STUM: variants seen among roughly 807,000 people sequenced by gnomAD.
STUM encodes stum, mechanosensory transduction mediator homolog.
Under a neutral mutation model 15.3 loss-of-function variants are expected in STUM, and 8 were observed. That is an observed-to-expected ratio of 0.52 (90% CI 0.31 to 0.94). The LOEUF is 0.94. Ranked by LOEUF, STUM falls within the 40% of genes least tolerant of loss-of-function variation. STUM has a pLI of 0.05. For synonymous variants in STUM, 78 were observed against 88.7 expected, an observed-to-expected ratio of 0.88 and a Z score of 0.68; for missense variants, 142 against 204.9, an observed-to-expected ratio of 0.69 and a Z score of 1.87.
chr1:226,596,828 C>T lies in STUM; in HGVS notation c.229C>T (p.Leu77=). The change falls in exon 2 of 4, where the codon CTG becomes TTG. Residue 77 remains leucine (L), a synonymous_variant. Transcript: ENST00000366788. ...LGTFVSAFTV[L]CGARTDLPDR... ...GACATTCGTCTCGGCCTTCACTGTGCTGTGCGGGGCCCGCACCGACCTCCC... is the reference window on the plus strand; with the variant it reads ...GACATTCGTCTCGGCCTTCACTGTGTTGTGCGGGGCCCGCACCGACCTCCC... The T allele has an allele frequency of 2.5e-6, 4 of 1,614,092 alleles. No individual in the cohort carries two copies. Among genetic ancestry groups the T allele is most frequent in the Non-Finnish European group, 3.4e-6 (4 of 1,179,930 alleles).
intron 1 of STUM, among the ~76,000 whole-genome samples, chr1:226,575,973 A>G (rs1223868301): frequency 6.6e-6 from 1 of 152,216 alleles, no homozygotes; most frequent in African/African-American, 2.4e-5. Context: ...TTAGACTGCT[A>G]GAAAGAGAAC....
chr1:226,551,915 G>A (rs556022292), intron 1 of STUM, among the ~76,000 whole-genome samples: 2 of 152,136 alleles, frequency 1.3e-5, no homozygotes, highest in Admixed American at 1.3e-4. Flanking sequence ...TCTATCACGT[G>A]TCCTCAGCAC....
chr1:226,585,799 C>T (rs1024037096), intron 1 of STUM, among the ~76,000 whole-genome samples: 11 of 152,092 alleles, frequency 7.2e-5, no homozygotes, highest in African/African-American at 2.4e-4. Context: ...GAAATGAATT[C>T]GGTATGATTT....
intron 1 of STUM, among the ~76,000 whole-genome samples, chr1:226,570,816 T>A (rs1667696478): frequency 6.6e-6 from 1 of 152,238 alleles, no homozygotes; most frequent in Non-Finnish European, 1.5e-5. Context: ...AGCGTTCTGA[T>A]GAAGCCTTGG....
At position 226,552,592 on chromosome 1, in the gene STUM, G is replaced by A. The variant is rs1460305172; in HGVS notation, c.202+3486G>A. 6.6e-6 allele frequency among the ~76,000 whole-genome samples: 1 copy of A among 152,144 alleles called. No individual in the cohort carries two copies. Among genetic ancestry groups the A allele is most frequent in the Non-Finnish European group, 1.5e-5 (1 of 68,036 alleles). The stretch of plus-strand genomic sequence containing the variant: ...TGATATCTCAGTGACACGGAAAGTC[G>A]AAGGGAGGAGGACCTCCATTGACCT... On this transcript the variant is annotated intron_variant, in intron 1 of 3. Transcript: ENST00000366788. The surrounding 1 kb of genome is among the most constrained non-coding windows in gnomAD (Gnocchi z 4.7).
chr1:226,568,460 C>T (rs1296030187), intron 1 of STUM, among the ~76,000 whole-genome samples: 5 of 152,220 alleles, frequency 3.3e-5, no homozygotes, highest in Non-Finnish European at 7.3e-5. Flanking sequence ...TGTGGTTCAT[C>T]GCCCCATCCA....
At chr1:226,598,351 T>G (rs938649705) in intron 2 of STUM, among the ~76,000 whole-genome samples, 17 of 152,144 alleles carry the variant, frequency 1.1e-4, no homozygotes, top group African/African-American at 4.1e-4. Flanking sequence ...GATGAGCCCC[T>G]CTTACTGGCT....
At chr1:226,570,556 C>T (rs945397689) in intron 1 of STUM, among the ~76,000 whole-genome samples, 1 of 152,180 alleles carries the variant, frequency 6.6e-6, no homozygotes, top group African/African-American at 2.4e-5. Flanking sequence ...AAGTTTCCAC[C>T]CCACAGGGGC....
In STUM at chr1:226,549,841, C is replaced by T. The variant is rs1301683025; in HGVS notation, c.202+735C>T. Among the ~76,000 whole-genome samples, 1 of 152,234 alleles carries T rather than the reference C, an allele frequency of 6.6e-6. No individual in the cohort carries two copies. The highest frequency in any genetic ancestry group is 1.5e-5 in the Non-Finnish European group (1 of 68,026). ...GATGTAATTCTGTGCAGGACTCCGG[C>T]AGCCGGCAGGGGTTCTGGTGGCATC... On this transcript the variant is annotated intron_variant, in intron 1 of 3. Transcript: ENST00000366788. The surrounding 1 kb of genome is among the most constrained non-coding windows in gnomAD (Gnocchi z 6.8).
chr1:226,562,362 G>A (rs1279223836), intron 1 of STUM, among the ~76,000 whole-genome samples: 5 of 151,832 alleles, frequency 3.3e-5, no homozygotes, highest in South Asian at 2.1e-4. Flanking sequence ...TCAGTTACTC[G>A]GGAGGCTGAT....
intron 1 of STUM, among the ~76,000 whole-genome samples, chr1:226,562,095 G>A (rs1667550584): frequency 6.6e-6 from 1 of 152,126 alleles, no homozygotes; most frequent in African/African-American, 2.4e-5. Flanking sequence ...TTCTAAAATT[G>A]ATTGTGGTGA....
In STUM at chr1:226,548,826, C is replaced by A; in HGVS notation, c.-79C>A. 2 of 1,149,794 alleles carry A rather than the reference C, an allele frequency of 1.7e-6. No individual in the cohort carries two copies. Among genetic ancestry groups the A allele is most frequent in the Non-Finnish European group, 2.2e-6 (2 of 912,900 alleles). 71.2% of individuals were successfully genotyped at this position (1,149,794 alleles called of 1,614,324 possible). ...AGCTCGGCGCGGAGCCCGGAGCCCG[C>A]AGCCGACAGTCTCCTGCTCCCGTAC... On this transcript the variant is annotated 5_prime_UTR_variant, in exon 1 of 4. Transcript: ENST00000366788.
At chr1:226,601,657 C>A (rs1344730958) in intron 3 of STUM, among the ~76,000 whole-genome samples, 1 of 152,144 alleles carries the variant, frequency 6.6e-6, no homozygotes, top group Non-Finnish European at 1.5e-5. Context: ...GGGAAGCCTG[C>A]CTGGCACCTG....
At chr1:226,594,684 C>T (rs1382494367) in intron 1 of STUM, among the ~76,000 whole-genome samples, 2 of 152,064 alleles carry the variant, frequency 1.3e-5, no homozygotes, top group Admixed American at 1.3e-4. Context: ...GATGGAGTTT[C>T]ACTCTTGTTG....
chr1:226,574,438 T>A (rs1667770002), intron 1 of STUM, among the ~76,000 whole-genome samples: 1 of 152,228 alleles, frequency 6.6e-6, no homozygotes, highest in African/African-American at 2.4e-5. Context: ...AGGGCTGTTT[T>A]TCCCTAATTG....
At chr1:226,578,904 G>A (rs368050456) in intron 1 of STUM, among the ~76,000 whole-genome samples, 5 of 152,308 alleles carry the variant, frequency 3.3e-5, no homozygotes, top group African/African-American at 9.6e-5. Flanking sequence ...TCACACTGAA[G>A]TATTAGAGAC....
chr1:226,548,802 G>T lies in STUM; in HGVS notation c.-103G>T. Reference sequence around the variant, plus strand: ...CGCACGGAGCACGGCGGCCGCCTGAGCTCGGCGCGGAGCCCGGAGCCCGCA... The same window carrying T: ...CGCACGGAGCACGGCGGCCGCCTGATCTCGGCGCGGAGCCCGGAGCCCGCA... On this transcript the variant is annotated 5_prime_UTR_variant, in exon 1 of 4. Transcript: ENST00000366788. The T allele has an allele frequency of 1.0e-6, 1 of 1,004,522 alleles. No homozygotes were observed. The highest frequency in any genetic ancestry group is 1.3e-6 in the Non-Finnish European group (1 of 786,420). 62.2% of individuals were successfully genotyped at this position (1,004,522 alleles called of 1,614,324 possible). A position where few individuals can be genotyped will look rare whatever the true frequency, so the allele number is the denominator to read the frequency against.
rs1668341225 is a variant in STUM, at chr1:226,605,446, G to A, written c.*3406G>A. 6.6e-6 allele frequency: 1 copy of A among 152,412 alleles called. No homozygotes were observed. Among genetic ancestry groups the A allele is most frequent in the South Asian group, 2.1e-4 (1 of 4,834 alleles). 9.4% of individuals were successfully genotyped at this position (152,412 alleles called of 1,614,324 possible). On this transcript the variant is annotated 3_prime_UTR_variant, in exon 4 of 4. Transcript: ENST00000366788. The surrounding 1 kb of genome is among the most constrained non-coding windows in gnomAD (Gnocchi z 4.0). The stretch of plus-strand genomic sequence containing the variant: ...TACAGCACTCCCAGAAGAAGGAGCA[G>A]AATCGCATGCAGCCCAGAGCAGGTC...
At chr1:226,560,295 A>G (rs1667519216) in intron 1 of STUM, among the ~76,000 whole-genome samples, 1 of 152,192 alleles carries the variant, frequency 6.6e-6, no homozygotes, top group Non-Finnish European at 1.5e-5. Flanking sequence ...TGTGACAGGA[A>G]CACCTTAATC....
Sources: gnomAD v4.1 joint callset for allele counts (sites outside exome capture counted in the v4.1 genomes callset) on GRCh38, gnomAD v4.1.1 for gene constraint, Gnocchi (gnomAD v3.1) non-coding constraint, MANE v1.5 for transcripts, NCBI Gene and HGNC (gene_info 2026-07-23, HGNC 2026-07-21) for gene names.